Variants in ABCC1 observed in about 807,000 individuals in gnomAD.
ABCC1 encodes the protein ATP binding cassette subfamily C member 1 (ABCC1 blood group), also known as multidrug resistance-associated protein 1.
In ABCC1, 83 loss-of-function variants were observed where a neutral mutation model predicts 172.9. The observed-to-expected ratio is 0.48, with a 90% CI of 0.40 to 0.58. The LOEUF (loss-of-function observed/expected upper bound fraction) is 0.58, where lower values mean the gene tolerates loss of function less well. Ranked by LOEUF, ABCC1 falls within the 20% of genes least tolerant of loss-of-function variation. ABCC1 has a pLI of 0.00. For missense variants in ABCC1, 1,817 were observed against 2,002.7 expected, an observed-to-expected ratio of 0.91 and a Z score of 1.77; for synonymous variants, 937 against 825.2, an observed-to-expected ratio of 1.14 and a Z score of -2.32.
intron 26 of ABCC1, among the ~76,000 whole-genome samples, 190 bp downstream of exon 26, chr16:16,126,101 C>T (rs534251163): frequency 6.6e-6 from 1 of 152,266 alleles, no homozygotes; most frequent in South Asian, 2.1e-4. Flanking sequence ...AAATAGTTTA[C>T]CGGCTTTACC....
intron 1 of ABCC1, among the ~76,000 whole-genome samples, chr16:15,999,485 G>A (rs1355038862): frequency 2.6e-5 from 4 of 151,694 alleles, no homozygotes; most frequent in African/African-American, 9.7e-5. Context: ...CGTGGTGGCA[G>A]GCGCCTATAG....
chr16:16,058,355 T>C (rs4148346), intron 12 of ABCC1, among the ~76,000 whole-genome samples: 7,543 of 152,278 alleles, frequency 0.05, 404 homozygotes, highest in East Asian at 0.33. Flanking sequence ...AACTATTCCT[T>C]CTTGGTCAGG....
At chr16:16,018,828 G>A (rs1471223638) in intron 5 of ABCC1, among the ~76,000 whole-genome samples, 3 of 151,866 alleles carry the variant, frequency 2.0e-5, no homozygotes, top group Non-Finnish European at 4.4e-5. Context: ...TCTTTGTGTT[G>A]TGTGTGCTTG....
At chr16:16,138,959 C>T (rs957109754) in intron 30 of ABCC1, among the ~76,000 whole-genome samples, 1 of 152,242 alleles carries the variant, frequency 6.6e-6, no homozygotes, top group Admixed American at 6.5e-5. Context: ...ATCTGCCCGC[C>T]TCCGCCTCCC....
chr16:16,090,496 C>T lies in ABCC1; in HGVS notation c.2552C>T (p.Ser851Phe), dbSNP rs1406571843. Residue 851 changes from serine to phenylalanine, a missense_variant, in exon 19 of 31, where the codon TCC becomes TTC. By Grantham distance (155) the Ser-to-Phe change is radical. This residue lies in a region of ABCC1 where 1,412 missense variants were observed against 1,600.3 expected (regional missense o/e 0.88). Coordinates refer to ENST00000399410, the MANE Select transcript of ABCC1 (RefSeq NM_004996.4). ...MSGGKISEMG[S>F]YQELLARDGA... ...GGCGGCAAGATCTCTGAGATGGGCTCCTACCAGGAGCTGCTGGCTCGAGAC... is the reference window on the plus strand; with the variant it reads ...GGCGGCAAGATCTCTGAGATGGGCTTCTACCAGGAGCTGCTGGCTCGAGAC... The T allele has an allele frequency of 1.2e-6, 2 of 1,613,950 alleles. No homozygotes were observed. Among genetic ancestry groups the T allele is most frequent in the South Asian group, 1.1e-5 (1 of 91,068 alleles).
intron 1 of ABCC1, among the ~76,000 whole-genome samples, chr16:15,996,092 C>A (rs1671590606): frequency 2.0e-5 from 3 of 147,194 alleles, no homozygotes; most frequent in African/African-American, 7.6e-5. Flanking sequence ...TCAAGCGATT[C>A]TCCTGTCTCA....
intron 15 of ABCC1, among the ~76,000 whole-genome samples, chr16:16,078,842 C>T (rs961956991): frequency 6.6e-6 from 1 of 152,150 alleles, no homozygotes; most frequent in African/African-American, 2.4e-5. Flanking sequence ...CCACGCCTGG[C>T]TAATTTTTAT....
chr16:16,071,199 C>G (rs1324636594), intron 13 of ABCC1, among the ~76,000 whole-genome samples: 1 of 152,042 alleles, frequency 6.6e-6, no homozygotes, highest in Non-Finnish European at 1.5e-5. Context: ...ATTCTTCTGC[C>G]TCAGCCTCCC....
At chr16:16,058,808 G>A (rs2049784416) in intron 12 of ABCC1, among the ~76,000 whole-genome samples, 1 of 152,092 alleles carries the variant, frequency 6.6e-6, no homozygotes. Context: ...CAGCAACCAT[G>A]CTCAGCTAAT....
chr16:15,975,252 G>A lies in ABCC1; in HGVS notation c.48+25453G>A, dbSNP rs2046457993. Among the ~76,000 whole-genome samples, 4 of 152,220 alleles carry A rather than the reference G, an allele frequency of 2.6e-5. No individual in the cohort carries two copies. In the South Asian group the frequency reaches 8.3e-4, roughly 32 times the overall value. On this transcript the variant is annotated intron_variant, in intron 1 of 30. Coordinates refer to ENST00000399410, the MANE Select transcript of ABCC1 (RefSeq NM_004996.4). Reference sequence around the variant, plus strand: ...GGGTGGCCTCTCCTGGGGTGCAGGAGGTTGCACAGTTCGTTTTGTGACAGC... The same window carrying A: ...GGGTGGCCTCTCCTGGGGTGCAGGAAGTTGCACAGTTCGTTTTGTGACAGC...
intron 4 of ABCC1, among the ~76,000 whole-genome samples, chr16:16,015,036 C>T (rs1175903212): frequency 1.3e-5 from 2 of 152,058 alleles, no homozygotes; most frequent in Non-Finnish European, 2.9e-5. Flanking sequence ...GGCTTGTCCT[C>T]GCGTTACCTT....
intron 22 of ABCC1, among the ~76,000 whole-genome samples, chr16:16,112,384 A>C (rs1470276868): frequency 6.6e-6 from 1 of 151,696 alleles, no homozygotes; most frequent in Non-Finnish European, 1.5e-5. Flanking sequence ...CAAAAAAAAA[A>C]AAACCCTGCT....
chr16:15,951,392 TA>T (rs1192247412), intron 1 of ABCC1, among the ~76,000 whole-genome samples: 1 of 152,208 alleles, frequency 6.6e-6, no homozygotes, highest in Non-Finnish European at 1.5e-5. Flanking sequence ...TAATATTTTT[TA>T]AAATTTTTAT....
intron 12 of ABCC1, among the ~76,000 whole-genome samples, chr16:16,065,214 C>T (rs1480894832): frequency 6.6e-6 from 1 of 152,126 alleles, no homozygotes; most frequent in Non-Finnish European, 1.5e-5. Flanking sequence ...TGAGTCAGCA[C>T]TTTGACTTCT....
At chr16:16,121,905 C>T (rs1034847241) in intron 23 of ABCC1, 70 bp from the exon 24 acceptor site, 3 of 1,545,454 alleles carry the variant, frequency 1.9e-6, no homozygotes, top group African/African-American at 2.7e-5. Flanking sequence ...TGTTCTCCAG[C>T]ACAGCCCTGC....
At chr16:16,016,063 C>G (rs566972931) in intron 4 of ABCC1, among the ~76,000 whole-genome samples, 1 of 150,904 alleles carries the variant, frequency 6.6e-6, no homozygotes, top group Non-Finnish European at 1.5e-5. Flanking sequence ...CATTACATCC[C>G]GGGGGGAGCT....
At chr16:15,952,627 TG>T (rs1361959666) in intron 1 of ABCC1, among the ~76,000 whole-genome samples, 2 of 148,444 alleles carry the variant, frequency 1.3e-5, no homozygotes, top group Non-Finnish European at 3.0e-5. Context: ...TCTTTTCTCA[TG>T]GGGGTGGGAC....
intron 29 of ABCC1, 140 bp from the exon 30 acceptor site, chr16:16,138,222 GAC>G: frequency 6.2e-6 from 4 of 643,636 alleles, no homozygotes; most frequent in Middle Eastern, 4.4e-4. Context: ...GTCTGCTGCA[GAC>G]ACAGATGTTG....
Position 16,014,514 on chromosome 16 carries a change from G to T in ABCC1, c.375G>T (p.Gln125His), listed in dbSNP as rs765054338. 2.4e-5 allele frequency: 38 copies of T among 1,614,054 alleles called. No homozygotes were observed. The highest frequency in any genetic ancestry group is 3.2e-5 in the Non-Finnish European group (38 of 1,180,004). Residue 125 changes from glutamine to histidine, a missense_variant, in exon 4 of 31, where the codon CAG becomes CAT. Gln to His is a conservative substitution (Grantham distance 24). Around this residue, in one of 3 missense-constraint regions of ABCC1, gnomAD observed 398 missense variants for 384.2 expected, o/e 1.04. Coordinates refer to ENST00000399410, the MANE Select transcript of ABCC1 (RefSeq NM_004996.4). ...AGCTGCTTGCTACCTTTTTAATTCA[G>T]CTGGAGAGGAGGAAGGGAGTTCAGT... Reference protein sequence around the residue: ...ITMLLATFLIQLERRKGVQSS... With the variant: ...ITMLLATFLIHLERRKGVQSS...
Sources: gnomAD v4.1 joint callset for allele counts (sites outside exome capture counted in the v4.1 genomes callset) on GRCh38, gnomAD v4.1.1 for gene constraint, gnomAD v4.1.1 regional missense constraint, MANE v1.5 for transcripts, NCBI Gene and HGNC (gene_info 2026-07-23, HGNC 2026-07-21) for gene names.